The following DOCK4 variants were observed in gnomAD, a reference collection of about 807,000 sequenced individuals.
DOCK4 encodes dedicator of cytokinesis protein 4.
DOCK4 carries 97 observed loss-of-function variants against 268.1 expected under a neutral mutation model. The ratio of observed to expected loss-of-function variants is 0.36; its 90% CI spans 0.31 to 0.43. The LOEUF is 0.43. DOCK4 is among the 20% of genes least tolerant of loss of function. The pLI is 1.00. For synonymous variants in DOCK4, 954 were observed against 887.2 expected (o/e 1.08, Z -1.34); for missense variants, 2,145 against 2,455.7 (o/e 0.87, Z 2.67).
chr7:111,822,141 G>C (rs922433594), intron 27 of DOCK4, among the ~76,000 whole-genome samples: 1 of 152,082 alleles, frequency 6.6e-6, no homozygotes, highest in Admixed American at 6.5e-5. Context: ...AATGGGAACA[G>C]AACTTCTCAA....
intron 1 of DOCK4, among the ~76,000 whole-genome samples, chr7:112,201,189 G>T (rs1013542374): frequency 2.0e-5 from 3 of 152,146 alleles, no homozygotes; most frequent in African/African-American, 7.2e-5. Flanking sequence ...TAAGGAGAAA[G>T]ACACCTAACT....
chr7:111,739,418 A>G lies in DOCK4; in HGVS notation c.5100T>C (p.Ser1700=). Residue 1700 remains serine, a synonymous_variant, in exon 48 of 53, where the codon AGT becomes AGC. Transcript: ENST00000428084. ...GACCTCTGGCACTCGATGGAGCAGAACTTGTCACATTAGGTGAAGCCGAGT... is the reference window on the plus strand; with the variant it reads ...GACCTCTGGCACTCGATGGAGCAGAGCTTGTCACATTAGGTGAAGCCGAGT... ...STHSASPNVT[S]SAPSSARASP... is the part of the protein sequence containing the mutation. 1.3e-6 allele frequency: 2 copies of G among 1,585,686 alleles called. No individual in the cohort carries two copies. The highest frequency in any genetic ancestry group is 1.7e-6 in the Non-Finnish European group (2 of 1,165,980).
At chr7:112,093,412 T>A (rs1809816862) in intron 1 of DOCK4, among the ~76,000 whole-genome samples, 1 of 151,918 alleles carries the variant, frequency 6.6e-6, no homozygotes, top group South Asian at 2.1e-4. Context: ...CACTACCTAA[T>A]ATTGTGACGA....
chr7:112,029,746 CAGA>C (rs1236751253), intron 1 of DOCK4, among the ~76,000 whole-genome samples: 4 of 152,190 alleles, frequency 2.6e-5, no homozygotes, highest in African/African-American at 9.7e-5. Context: ...CATGTGTCCA[CAGA>C]AGGAGATACT....
At chr7:111,781,851 AAATC>A (rs1434433658) in intron 35 of DOCK4, among the ~76,000 whole-genome samples, 2 of 152,326 alleles carry the variant, frequency 1.3e-5, no homozygotes, top group African/African-American at 4.8e-5. Flanking sequence ...AGAAAAGACA[AAATC>A]AAAGTAGGGG....
intron 14 of DOCK4, among the ~76,000 whole-genome samples, chr7:111,901,375 T>C (rs1267507737): frequency 1.3e-5 from 2 of 149,698 alleles, no homozygotes; most frequent in African/African-American, 2.5e-5. Flanking sequence ...AAGTAATAGC[T>C]GCTGTAAGAA....
chr7:112,065,601 CTTA>C (rs927377742), intron 1 of DOCK4, among the ~76,000 whole-genome samples: 38 of 149,260 alleles, frequency 2.5e-4, no homozygotes, highest in Non-Finnish European at 4.3e-4. Context: ...CCTGAGGGCA[CTTA>C]TTATTCTCAG....
intron 12 of DOCK4, chr7:111,935,237 C>A: frequency 2.6e-6 from 1 of 380,942 alleles, no homozygotes; most frequent in East Asian, 6.5e-5. Context: ...CGTGAGCCAC[C>A]GTGCCTGGCT....
At chr7:112,182,575 A>G (rs1388410192) in intron 1 of DOCK4, among the ~76,000 whole-genome samples, 2 of 152,120 alleles carry the variant, frequency 1.3e-5, no homozygotes, top group Non-Finnish European at 2.9e-5. Flanking sequence ...AATCACAAGC[A>G]TGTATTAATT....
intron 1 of DOCK4, among the ~76,000 whole-genome samples, chr7:112,087,438 C>T (rs745659317): frequency 6.6e-6 from 1 of 152,074 alleles, no homozygotes; most frequent in African/African-American, 2.4e-5. Context: ...AAATAGACAT[C>T]CTCATAAAAC....
At chr7:111,774,416 G>A (rs1013492543) in intron 36 of DOCK4, among the ~76,000 whole-genome samples, 8 of 151,968 alleles carry the variant, frequency 5.3e-5, no homozygotes. Flanking sequence ...GCAGTGGGCC[G>A]AGATTGCACC....
At chr7:111,879,788 G>A (rs1275704589) in intron 16 of DOCK4, among the ~76,000 whole-genome samples, 2 of 152,116 alleles carry the variant, frequency 1.3e-5, no homozygotes, top group Admixed American at 6.5e-5. Flanking sequence ...ACATGCTGAC[G>A]AATGCATCAG....
chr7:111,895,974 T>C (rs975040455), intron 15 of DOCK4, among the ~76,000 whole-genome samples: 5 of 152,176 alleles, frequency 3.3e-5, no homozygotes, highest in African/African-American at 1.2e-4. Flanking sequence ...TTTTAAAAAA[T>C]TTGTGGATTG....
At chr7:111,946,595 ATTTTG>A (rs1795641683) in intron 8 of DOCK4, among the ~76,000 whole-genome samples, 1 of 152,154 alleles carries the variant, frequency 6.6e-6, no homozygotes, top group Non-Finnish European at 1.5e-5. Context: ...TATTATTATT[ATTTTG>A]AGACAGAGTC....
intron 1 of DOCK4, among the ~76,000 whole-genome samples, chr7:112,199,352 T>C (rs1005750823): frequency 1.3e-5 from 2 of 152,186 alleles, no homozygotes; most frequent in African/African-American, 4.8e-5. Flanking sequence ...AAAAGTTATA[T>C]AAAAGTTTCC....
At chr7:112,036,266 G>T (rs1021131256) in intron 1 of DOCK4, among the ~76,000 whole-genome samples, 1 of 151,932 alleles carries the variant, frequency 6.6e-6, no homozygotes, top group Non-Finnish European at 1.5e-5. Context: ...GGATAAACAA[G>T]AAATGAATAA....
intron 1 of DOCK4, among the ~76,000 whole-genome samples, chr7:112,119,878 C>G (rs1812569364): frequency 6.7e-6 from 1 of 150,214 alleles, no homozygotes; most frequent in South Asian, 2.1e-4. Context: ...GATGGAGTCT[C>G]ACTCTGTCAC....
At chr7:111,823,399 G>T (rs535086338) in intron 26 of DOCK4, among the ~76,000 whole-genome samples, 2 of 151,666 alleles carry the variant, frequency 1.3e-5, no homozygotes, top group Non-Finnish European at 2.9e-5. Context: ...GTAGAGACGG[G>T]GTTTCACCAT....
intron 38 of DOCK4, among the ~76,000 whole-genome samples, chr7:111,766,685 T>C (rs1056284123): frequency 3.3e-5 from 5 of 152,216 alleles, no homozygotes; most frequent in African/African-American, 1.2e-4. Flanking sequence ...GATTTGCAGA[T>C]TATGGGACTA....
Sources: allele counts gnomAD v4.1 joint callset (sites outside exome capture counted in the v4.1 genomes callset), GRCh38; gene constraint gnomAD v4.1.1; transcripts MANE v1.5; gene names NCBI Gene and HGNC (gene_info 2026-07-23, HGNC 2026-07-21).